IL1RAPL2: variants seen among roughly 807,000 people sequenced by gnomAD.
The protein encoded by IL1RAPL2 is interleukin 1 receptor accessory protein like 2, also known as X-linked interleukin-1 receptor accessory protein-like 2.
IL1RAPL2 carries 3 observed loss-of-function variants against 44.1 expected under a neutral mutation model. The ratio of observed to expected loss-of-function variants is 0.07; its 90% CI spans 0.03 to 0.18. The LOEUF (loss-of-function observed/expected upper bound fraction) is 0.18, where lower values mean the gene tolerates loss of function less well. IL1RAPL2 is among the 10% of genes least tolerant of loss of function. The pLI is 1.00. For synonymous variants in IL1RAPL2, 181 were observed against 178.8 expected (o/e 1.01, Z -0.10); for missense variants, 391 against 496.4 (o/e 0.79, Z 2.02).
chrX:104,609,927 G>A (rs1344093869), intron 1 of IL1RAPL2, among the ~76,000 whole-genome samples: 2 of 111,354 alleles, frequency 1.8e-5, no homozygotes, highest in Admixed American at 9.6e-5. Flanking sequence ...GAGGAGAAGA[G>A]GCATTCTGTT....
chrX:104,978,616 G>T (rs1163383640), intron 2 of IL1RAPL2, among the ~76,000 whole-genome samples: 2 of 111,549 alleles, frequency 1.8e-5, no homozygotes, highest in Admixed American at 1.9e-4. Flanking sequence ...AAAACAAAAA[G>T]AAGAGGCACA....
intron 2 of IL1RAPL2, among the ~76,000 whole-genome samples, chrX:105,015,305 C>T (rs963249367): frequency 3.6e-5 from 4 of 111,079 alleles, no homozygotes; most frequent in Non-Finnish European, 5.7e-5. Flanking sequence ...TGCAGGAGCT[C>T]TTTAGTTTAA....
chrX:105,102,550 A>G (rs1287075381), intron 2 of IL1RAPL2, among the ~76,000 whole-genome samples: 2 of 112,305 alleles, frequency 1.8e-5, no homozygotes, highest in Admixed American at 9.4e-5. Flanking sequence ...ACACACTTAC[A>G]TAACCAATGG....
At chrX:105,181,038 A>G (rs1383123212) in intron 2 of IL1RAPL2, among the ~76,000 whole-genome samples, 1 of 111,263 alleles carries the variant, frequency 9.0e-6, no homozygotes, top group Non-Finnish European at 1.9e-5. Flanking sequence ...CAGGTTTTCT[A>G]TTTCTTCCTG....
intron 6 of IL1RAPL2, among the ~76,000 whole-genome samples, chrX:105,569,274 C>T (rs1251567740): frequency 9.0e-6 from 1 of 111,518 alleles, no homozygotes; most frequent in African/African-American, 3.3e-5. Flanking sequence ...TATTATGAGG[C>T]CCACTGAGTT....
At chrX:105,023,684 T>C (rs1328146122) in intron 2 of IL1RAPL2, among the ~76,000 whole-genome samples, 2 of 111,667 alleles carry the variant, frequency 1.8e-5, no homozygotes, top group Non-Finnish European at 3.8e-5. Context: ...GTTTGGAAGA[T>C]AATATTAAAC....
chrX:104,935,359 AT>A (rs1040709725), intron 2 of IL1RAPL2, among the ~76,000 whole-genome samples: 12 of 111,630 alleles, frequency 1.1e-4, no homozygotes, highest in South Asian at 3.7e-4. Context: ...GACTTTTGAC[AT>A]TTTTTTTGGT....
chrX:104,809,481 T>C (rs1381675998), intron 2 of IL1RAPL2, among the ~76,000 whole-genome samples: 2 of 111,358 alleles, frequency 1.8e-5, no homozygotes, highest in East Asian at 2.8e-4. Context: ...TGGCCAGTGA[T>C]GGTGAGCATT....
At chrX:104,889,167 C>A (rs1406565995) in intron 2 of IL1RAPL2, among the ~76,000 whole-genome samples, 2 of 110,922 alleles carry the variant, frequency 1.8e-5, no homozygotes, top group African/African-American at 3.3e-5. Context: ...AACAAACAGT[C>A]CAGGTTCTGT....
At chrX:105,109,212 T>C (rs781135534) in intron 2 of IL1RAPL2, among the ~76,000 whole-genome samples, 1 of 112,207 alleles carries the variant, frequency 8.9e-6, no homozygotes, top group East Asian at 2.8e-4. Context: ...TCCATTAGAC[T>C]CTTAAGTTTC....
At chrX:105,687,220 G>C (rs2037987201) in intron 6 of IL1RAPL2, among the ~76,000 whole-genome samples, 1 of 108,072 alleles carries the variant, frequency 9.3e-6, no homozygotes, top group African/African-American at 3.4e-5. Context: ...AAATAACTAA[G>C]ATCAGAGCAG....
intron 5 of IL1RAPL2, among the ~76,000 whole-genome samples, chrX:105,440,974 T>A (rs930519924): frequency 1.4e-4 from 16 of 112,024 alleles, no homozygotes; most frequent in African/African-American, 5.2e-4. Flanking sequence ...TCTGCCATGA[T>A]TGTGAGGCCT....
chrX:105,420,906 C>A (rs2035769409), intron 5 of IL1RAPL2, among the ~76,000 whole-genome samples: 2 of 111,781 alleles, frequency 1.8e-5, no homozygotes, highest in Admixed American at 9.5e-5. Context: ...AAGCGAAAGA[C>A]AGATCTGAGA....
intron 5 of IL1RAPL2, among the ~76,000 whole-genome samples, chrX:105,284,245 T>TG (rs767891125): frequency 2.7e-5 from 3 of 112,153 alleles, no homozygotes; most frequent in Non-Finnish European, 3.8e-5. Context: ...AAGCAAGTTT[T>TG]GGGGGGTCTT....
intron 4 of IL1RAPL2, among the ~76,000 whole-genome samples, chrX:105,236,655 A>G (rs782503171): frequency 1.8e-5 from 2 of 111,291 alleles, no homozygotes; most frequent in Non-Finnish European, 3.8e-5. Context: ...TACTAGAATC[A>G]GAAGTTAAAG....
intron 6 of IL1RAPL2, among the ~76,000 whole-genome samples, chrX:105,561,443 C>G (rs1408352109): frequency 8.9e-6 from 1 of 111,834 alleles, no homozygotes. Flanking sequence ...CAGACCTAGA[C>G]TTGGTAAGTG....
intron 1 of IL1RAPL2, among the ~76,000 whole-genome samples, chrX:104,606,966 T>C (rs1929029001): frequency 8.9e-6 from 1 of 111,772 alleles, no homozygotes; most frequent in Non-Finnish European, 1.9e-5. Context: ...GTTGGAGGCA[T>C]CACTCTACCT....
chrX:104,904,135 T>A (rs1923900780), intron 2 of IL1RAPL2, among the ~76,000 whole-genome samples: 1 of 110,141 alleles, frequency 9.1e-6, no homozygotes, highest in Non-Finnish European at 1.9e-5. Context: ...TATTGTAGTA[T>A]CACCAACTAA....
chrX:105,452,457 G>A (rs1376598690), intron 5 of IL1RAPL2, among the ~76,000 whole-genome samples: 3 of 111,535 alleles, frequency 2.7e-5, no homozygotes, highest in Non-Finnish European at 5.7e-5. Context: ...GGAAGCCATA[G>A]TGAAGTCATA....
Sources: allele counts gnomAD v4.1 joint callset (sites outside exome capture counted in the v4.1 genomes callset), GRCh38; gene constraint gnomAD v4.1.1; transcripts MANE v1.5; gene names NCBI Gene and HGNC (gene_info 2026-07-23, HGNC 2026-07-21).